Variants in LARP4 observed in about 807,000 individuals in gnomAD.
LARP4 encodes la-related protein 4.
A neutral mutation model predicts 92.9 loss-of-function variants in LARP4; 29 were observed. That is an observed-to-expected ratio of 0.31 (90% confidence interval 0.23 to 0.43). The LOEUF is 0.43. LARP4 is among the 20% of genes least tolerant of loss of function. The pLI is 1.00. For synonymous variants in LARP4, 279 were observed against 284.1 expected (o/e 0.98, Z 0.18); for missense variants, 732 against 860.0 (o/e 0.85, Z 1.86).
At chr12:50,467,334 T>G (rs1220311544) in intron 13 of LARP4, among the ~76,000 whole-genome samples, 2 of 151,832 alleles carry the variant, frequency 1.3e-5, no homozygotes, top group Non-Finnish European at 2.9e-5. Context: ...TGTCTTTGTT[T>G]TTTTTTTTTT....
At chr12:50,467,162 T>TTA (rs1162430289) in intron 13 of LARP4, 42 bp downstream of exon 13, 6 of 1,482,180 alleles carry the variant, frequency 4.0e-6, no homozygotes, top group Non-Finnish European at 4.6e-6. Flanking sequence ...GAGACCATAT[T>TTA]TAGGCTTTAT....
chr12:50,474,131 T>C lies in LARP4; in HGVS notation c.1800T>C (p.Asn600=), dbSNP rs1400304178. 1 of 1,613,274 alleles carries C rather than the reference T, an allele frequency of 6.2e-7. No individual in the cohort carries two copies. Among genetic ancestry groups the C allele is most frequent in the African/African-American group, 1.3e-5 (1 of 74,930 alleles). ...GGGCAAGTACTGCTTCACCATGTAATAATAACATAAATGCAGCTACAGCTG... is the reference window on the plus strand; with the variant it reads ...GGGCAAGTACTGCTTCACCATGTAACAATAACATAAATGCAGCTACAGCTG... ...PSRASTASPC[N]NNINAATAVA... The change falls in exon 15 of 16, where the codon AAT becomes AAC. Residue 600 remains asparagine (N), a synonymous_variant. Coordinates refer to ENST00000398473, the MANE Select transcript of LARP4 (RefSeq NM_052879.5).
chr12:50,446,207 C>G (rs1229233006), intron 8 of LARP4, among the ~76,000 whole-genome samples: 2 of 148,992 alleles, frequency 1.3e-5, no homozygotes, highest in African/African-American at 2.5e-5. Flanking sequence ...GGGGTTTCAT[C>G]ATGTTAGCCA....
chr12:50,421,412 G>A (rs1346369039), intron 1 of LARP4: 1 of 260,688 alleles, frequency 3.8e-6, no homozygotes, highest in Non-Finnish European at 6.0e-6. Context: ...GGGAGGCCGA[G>A]GTGGGAGGAT....
At chr12:50,455,625 G>A (rs1266499964) in intron 10 of LARP4, among the ~76,000 whole-genome samples, 1 of 152,090 alleles carries the variant, frequency 6.6e-6, no homozygotes, top group Non-Finnish European at 1.5e-5. Context: ...AGGTTTTTCT[G>A]AAACTTGTTT....
intron 10 of LARP4, chr12:50,455,082 C>G (rs1953968872): frequency 6.6e-6 from 1 of 152,182 alleles, no homozygotes; most frequent in Admixed American, 6.6e-5. Flanking sequence ...AAAGCCCGCA[C>G]TTAAAGCACT....
chr12:50,406,957 T>C (rs1312634846), intron 1 of LARP4, among the ~76,000 whole-genome samples: 1 of 151,984 alleles, frequency 6.6e-6, no homozygotes, highest in African/African-American at 2.4e-5. Flanking sequence ...ACCTCAGATC[T>C]ACCTGCCTCA....
Position 50,426,684 on chromosome 12 carries a change from G to GGGGGGTGT in LARP4, c.19-1077_19-1076insGGGGTGTG, listed in dbSNP as rs774548049. Among the ~76,000 whole-genome samples, 15 of 86,170 alleles carry GGGGGGTGT rather than the reference G, an allele frequency of 1.7e-4. 1 individual carries two copies. Among genetic ancestry groups the GGGGGGTGT allele is most frequent in the African/African-American group, 6.0e-4 (12 of 20,036 alleles). The allele number at this position is 86,170 out of a possible 152,430, so 56.5% of individuals were successfully genotyped here. A position where few individuals can be genotyped will look rare whatever the true frequency, so the allele number is the denominator to read the frequency against. ...GCATGGAACAGGGCATTATGTTTGG[G>GGGGGGTGT]GTGTGTGTGTGTGTGTGTGTGTGTG... On this transcript the variant is annotated intron_variant, in intron 1 of 15. Transcript: ENST00000398473.
At position 50,432,052 on chromosome 12, in the gene LARP4, C is replaced by A. The variant is rs137944768; in HGVS notation, c.398+1482C>A. 4.4e-3 allele frequency among the ~76,000 whole-genome samples: 649 copies of A among 148,194 alleles called. 6 individuals are homozygous for A. Among genetic ancestry groups the A allele is most frequent in the African/African-American group, 0.016 (616 of 39,468 alleles). The stretch of plus-strand genomic sequence containing the variant: ...ACTGGAGGCTGAGGCAGGAGAATTG[C>A]TTGAACCCAGGATGTGGAGTATGCA... On this transcript the variant is annotated intron_variant, in intron 4 of 15. Coordinates refer to ENST00000398473, the MANE Select transcript of LARP4 (RefSeq NM_052879.5).
At chr12:50,441,735 C>T (rs1384367661) in intron 8 of LARP4, 92 bp downstream of exon 8, 35 of 1,068,672 alleles carry the variant, frequency 3.3e-5, no homozygotes, top group South Asian at 1.0e-4. Context: ...TTTATAAAAA[C>T]CCATAGTGAC....
chr12:50,414,172 G>T (rs1197534223), intron 1 of LARP4, among the ~76,000 whole-genome samples: 1 of 152,116 alleles, frequency 6.6e-6, no homozygotes. Context: ...GGGTAAAAAT[G>T]ATATTTTATG....
intron 1 of LARP4, among the ~76,000 whole-genome samples, chr12:50,426,684 G>GGTGTGTGTGTGTGTGTGTGTGT (rs762987529): frequency 1.9e-4 from 16 of 86,168 alleles, no homozygotes; most frequent in Admixed American, 3.1e-4. Context: ...TTATGTTTGG[G>GGTGTGTGTGTGTGTGTGTGTGT]GTGTGTGTGT....
chr12:50,405,005 C>T (rs1681568768), intron 1 of LARP4, among the ~76,000 whole-genome samples: 1 of 151,682 alleles, frequency 6.6e-6, no homozygotes, highest in Non-Finnish European at 1.5e-5. Context: ...GCAGTTCTGC[C>T]TCAGCCTCCC....
chr12:50,428,088 C>T (rs1281284813), intron 2 of LARP4, among the ~76,000 whole-genome samples, 179 bp downstream of exon 2: 6 of 151,324 alleles, frequency 4.0e-5, no homozygotes, highest in East Asian at 1.9e-4. Flanking sequence ...CTCCACCTCC[C>T]GGGTCCAAGC....
intron 1 of LARP4, chr12:50,421,194 C>T: frequency 4.9e-6 from 3 of 612,340 alleles, no homozygotes; most frequent in Non-Finnish European, 6.1e-6. Context: ...CATGATCTGC[C>T]CGCCTTGGCC....
chr12:50,443,681 A>G (rs1428409285), intron 8 of LARP4, among the ~76,000 whole-genome samples: 2 of 152,092 alleles, frequency 1.3e-5, no homozygotes. Flanking sequence ...GCACAATCTC[A>G]GCTCAATGCA....
intron 1 of LARP4, chr12:50,401,406 C>G (rs886397952): frequency 1.0e-4 from 21 of 210,822 alleles, no homozygotes; most frequent in African/African-American, 4.6e-4. Flanking sequence ...GGGGGCCGAG[C>G]GCGGCCTCGC....
intron 13 of LARP4, among the ~76,000 whole-genome samples, chr12:50,468,304 C>A (rs370630245): frequency 8.3e-6 from 1 of 120,628 alleles, no homozygotes; most frequent in Admixed American, 8.8e-5. Context: ...CTTTTTTTTT[C>A]TTTTTTTTGA....
chr12:50,457,492 C>T (rs943922168), intron 10 of LARP4, among the ~76,000 whole-genome samples: 5 of 152,134 alleles, frequency 3.3e-5, no homozygotes, highest in Non-Finnish European at 7.4e-5. Flanking sequence ...TAGGTGTGAG[C>T]CACCGCATCT....
Sources: allele counts gnomAD v4.1 joint callset (sites outside exome capture counted in the v4.1 genomes callset), GRCh38; gene constraint gnomAD v4.1.1; transcripts MANE v1.5; gene names NCBI Gene and HGNC (gene_info 2026-07-23, HGNC 2026-07-21).